Variants in SIPA1 observed in about 807,000 individuals in gnomAD.
SIPA1 encodes signal-induced proliferation-associated 1.
A neutral mutation model predicts 88.1 loss-of-function variants in SIPA1; 51 were observed. The observed-to-expected ratio is 0.58, with a 90% confidence interval of 0.46 to 0.73. The LOEUF is 0.73. SIPA1 is among the 30% of genes least tolerant of loss of function. SIPA1 has a pLI of 0.00. For missense variants in SIPA1, 1,348 were observed against 1,467.6 expected, an observed-to-expected ratio of 0.92 and a Z score of 1.33; for synonymous variants, 681 against 664.8, an observed-to-expected ratio of 1.02 and a Z score of -0.37.
intron 9 of SIPA1, among the ~76,000 whole-genome samples, chr11:65,648,662 G>A (rs993234447): frequency 6.6e-6 from 1 of 151,818 alleles, no homozygotes; most frequent in South Asian, 2.1e-4. Context: ...GCTGAAACCC[G>A]TCTCTAGTAA....
At chr11:65,650,251 C>T in intron 14 of SIPA1, 59 bp downstream of exon 14, 2 of 1,583,504 alleles carry the variant, frequency 1.3e-6, no homozygotes, top group African/African-American at 1.3e-5. Flanking sequence ...CCCTTCGTGC[C>T]TGTCTGCTGG....
chr11:65,650,511 C>G, intron 15 of SIPA1, 32 bp downstream of exon 15: 3 of 1,613,324 alleles, frequency 1.9e-6, no homozygotes, highest in Non-Finnish European at 2.5e-6. Flanking sequence ...GGGGGAGTCA[C>G]AGGGCTGCCC....
At chr11:65,647,802 G>C in intron 9 of SIPA1, 144 bp downstream of exon 9, 2 of 507,558 alleles carry the variant, frequency 3.9e-6, no homozygotes, top group Non-Finnish European at 5.9e-6. Context: ...CTCTTAGCCC[G>C]TCTGAGCCTG....
At chr11:65,648,277 C>A in intron 9 of SIPA1, among the ~76,000 whole-genome samples, 1 of 152,054 alleles carries the variant, frequency 6.6e-6, no homozygotes, top group Non-Finnish European at 1.5e-5. Flanking sequence ...TATTGGCACC[C>A]GCCCACCCAA....
rs1264311898 is a variant in SIPA1 at position 65,649,940 on chromosome 11, G to C, written c.2747-10G>C. On this transcript the variant is annotated splice_polypyrimidine_tract_variant and intron_variant, in intron 12 of 15. Transcript: ENST00000534313. ...GCTTCCCTAGCTCAGCCTGCTCCTT[G>C]TGCCCACAGTCATGTCGGAGGCGGG... 1 of 1,613,782 alleles carries C rather than the reference G, an allele frequency of 6.2e-7. No individual in the cohort carries two copies. The highest frequency in any genetic ancestry group is 1.3e-5 in the African/African-American group (1 of 74,906).
Position 65,641,341 on chromosome 11 carries a change from G to A in SIPA1, c.420G>A (p.Glu140=). The A allele has an allele frequency of 6.2e-7, 1 of 1,613,478 alleles. No homozygotes were observed. The highest frequency in any genetic ancestry group is 8.5e-7 in the Non-Finnish European group (1 of 1,180,040). The part of the protein sequence containing the change: ...PRSQGMGSHS[E]ASSGTLASAE... Reference sequence around the variant, plus strand: ...CTCAGGGGATGGGGAGCCACTCAGAGGCCAGCTCTGGGACCCTGGCTTCAG... The same window carrying A: ...CTCAGGGGATGGGGAGCCACTCAGAAGCCAGCTCTGGGACCCTGGCTTCAG... Residue 140 remains glutamate (E), a synonymous_variant, in exon 2 of 16, where the codon GAG becomes GAA. Transcript: ENST00000534313.
Position 65,647,131 on chromosome 11 carries a change from C to T in SIPA1, c.2031+66C>T, listed in dbSNP as rs1448933186. The T allele has an allele frequency of 3.0e-5, 42 of 1,423,434 alleles. No individual in the cohort carries two copies. The Admixed American group carries it at 1.1e-3, about 37-fold the overall frequency. The allele number at this position is 1,423,434 out of a possible 1,614,324, so 88.2% of individuals were successfully genotyped here. On this transcript the variant is annotated intron_variant, in intron 8 of 15. Transcript: ENST00000534313. ...GGCGGAGCCTGCTTTGGACCCCTCC[C>T]TCCCGCCGCCTTTGTCCCCTACTCC...
Position 65,650,715 on chromosome 11 carries a change from A to C in SIPA1, c.3129A>C (p.Ter1043CysextTer9). 1 of 1,571,044 alleles carries C rather than the reference A, an allele frequency of 6.4e-7. No individual in the cohort carries two copies. Among genetic ancestry groups the C allele is most frequent in the Non-Finnish European group, 8.6e-7 (1 of 1,158,356 alleles). Residue 1043 changes from the stop codon to cysteine (C), a stop_lost, in exon 16 of 16, where the codon TGA becomes TGC. Coordinates refer to ENST00000534313, the MANE Select transcript of SIPA1 (RefSeq NM_006747.4). ...QLGSPTADLA* is the reference protein window; with the variant it reads ...QLGSPTADLAC ...GCTCACCCACCGCCGACCTGGCCTG[A>C]GCCGTCTGGAACCACCTGGGCCCCT...
At position 65,642,561 on chromosome 11, in the gene SIPA1, G is replaced by A; in HGVS notation, c.906G>A (p.Gln302=). Reference sequence around the variant, plus strand: ...AACTTCTGGAGCACGTGGCGCCGCAGCTGAGCCCCAGCTGCCTGCGCCTGG... The same window carrying A: ...AACTTCTGGAGCACGTGGCGCCGCAACTGAGCCCCAGCTGCCTGCGCCTGG... ...PRKLLEHVAP[Q]LSPSCLRLGS... is the part of the protein sequence containing the mutation. The change falls in exon 4 of 16, where the codon CAG becomes CAA. Residue 302 remains glutamine, a synonymous_variant. Coordinates refer to ENST00000534313, the MANE Select transcript of SIPA1 (RefSeq NM_006747.4). This position sits in a 1 kb window ranked among gnomAD's most constrained non-coding sequence, Gnocchi z 6.5. 6.2e-7 allele frequency: 1 copy of A among 1,602,146 alleles called. No homozygotes were observed. The highest frequency in any genetic ancestry group is 8.5e-7 in the Non-Finnish European group (1 of 1,178,270).
chr11:65,641,874 A>G (rs1413331685), intron 2 of SIPA1, among the ~76,000 whole-genome samples: 1 of 152,154 alleles, frequency 6.6e-6, no homozygotes, highest in Non-Finnish European at 1.5e-5. Context: ...CTGGGGAGAG[A>G]TTCCCTATGG....
At chr11:65,648,088 G>T (rs1033779520) in intron 9 of SIPA1, among the ~76,000 whole-genome samples, 39 of 152,026 alleles carry the variant, frequency 2.6e-4, no homozygotes, top group African/African-American at 8.7e-4. Context: ...GGCCAGGCTG[G>T]TCTCGAACTC....
rs750587947 is a variant in SIPA1 at position 65,646,387 on chromosome 11, C to T, written c.1421+9C>T. 6.8e-6 allele frequency: 11 copies of T among 1,607,746 alleles called. No individual in the cohort carries two copies. The highest frequency in any genetic ancestry group is 3.3e-5 in the South Asian group (3 of 91,064). ...CCACACACCACCTACAGGTGGGCACCGGAGTGGTCCCAGGTCTCCCGTGGG... is the reference window on the plus strand; with the variant it reads ...CCACACACCACCTACAGGTGGGCACTGGAGTGGTCCCAGGTCTCCCGTGGG... On this transcript the variant is annotated intron_variant, in intron 7 of 15. Transcript: ENST00000534313. The surrounding 1 kb of genome is among the most constrained non-coding windows in gnomAD (Gnocchi z 7.5).
At position 65,645,924 on chromosome 11, in the gene SIPA1, G is replaced by T. The variant is rs1055582141; in HGVS notation, c.1230G>T (p.Thr410=). Residue 410 remains threonine, a synonymous_variant, in exon 6 of 16, where the codon ACG becomes ACT. Transcript: ENST00000534313. The part of the protein sequence containing the change: ...QDHEIMFHVS[T]MLPYTPNNQQ... Reference sequence around the variant, plus strand: ...ACGAGATCATGTTCCACGTGTCCACGATGCTGCCTTACACCCCTAATAACC... The same window carrying T: ...ACGAGATCATGTTCCACGTGTCCACTATGCTGCCTTACACCCCTAATAACC... 1.2e-6 allele frequency: 2 copies of T among 1,613,386 alleles called. No homozygotes were observed.
intron 4 of SIPA1, among the ~76,000 whole-genome samples, 161 bp from the exon 5 acceptor site, chr11:65,644,794 C>G (rs1049828783): frequency 2.0e-5 from 3 of 152,096 alleles, no homozygotes; most frequent in African/African-American, 7.2e-5. Flanking sequence ...CTCCCAAGCA[C>G]GAGGAGCACA....
Position 65,642,504 on chromosome 11 carries a change from G to C in SIPA1, c.849G>C (p.Pro283=). 6.2e-7 allele frequency: 1 copy of C among 1,610,408 alleles called. No homozygotes were observed. The highest frequency in any genetic ancestry group is 8.5e-7 in the Non-Finnish European group (1 of 1,179,474). ...GCACCATCTCGGAGGACGCGCTGCC[G>C]CCGGGGCCCCCACGGGGTCTGTCCC... ...LRGTISEDAL[P]PGPPRGLSPR... is the part of the protein sequence containing the mutation. Residue 283 remains proline, a synonymous_variant, in exon 4 of 16, where the codon CCG becomes CCC. Coordinates refer to ENST00000534313, the MANE Select transcript of SIPA1 (RefSeq NM_006747.4). This position sits in a 1 kb window ranked among gnomAD's most constrained non-coding sequence, Gnocchi z 6.5.
Position 65,644,087 on chromosome 11 carries a change from T to A in SIPA1, c.985-868T>A, listed in dbSNP as rs1856060071. 2.0e-5 allele frequency among the ~76,000 whole-genome samples: 3 copies of A among 151,954 alleles called. No individual in the cohort carries two copies. The South Asian group carries it at 6.2e-4, about 32-fold the overall frequency. On this transcript the variant is annotated intron_variant, in intron 4 of 15. Coordinates refer to ENST00000534313, the MANE Select transcript of SIPA1 (RefSeq NM_006747.4). ...TGAAGTGCTAGGATTTCCCAGCTTC[T>A]TGGCCCCCAGGAGTGGTGGTTTAAG...
intron 1 of SIPA1, among the ~76,000 whole-genome samples, chr11:65,638,951 A>T (rs1484722737): frequency 1.3e-5 from 2 of 152,120 alleles, no homozygotes; most frequent in Non-Finnish European, 2.9e-5. Flanking sequence ...CTACTCCTTC[A>T]CACACTATAG....
chr11:65,650,695 C>G lies in SIPA1; in HGVS notation c.3109C>G (p.Pro1037Ala). 6.3e-7 allele frequency: 1 copy of G among 1,580,740 alleles called. No homozygotes were observed. Among genetic ancestry groups the G allele is most frequent in the Non-Finnish European group, 8.6e-7 (1 of 1,163,450 alleles). Residue 1037 changes from proline to alanine, a missense_variant, in exon 16 of 16, where the codon CCC (proline) becomes GCC (alanine). Transcript: ENST00000534313. ...CCTGGCCTCCAAGCAGCTGGGCTCA[C>G]CCACCGCCGACCTGGCCTGAGCCGT... The part of the protein sequence containing the change: ...LLLASKQLGS[P>A]TADLA
chr11:65,650,525 G>C (rs1590927410), intron 15 of SIPA1, 44 bp from the exon 16 acceptor site: 1 of 1,612,800 alleles, frequency 6.2e-7, no homozygotes, highest in Non-Finnish European at 8.5e-7. Context: ...GCTGCCCCAG[G>C]AAAGGGGCTG....
Sources: allele counts gnomAD v4.1 joint callset (sites outside exome capture counted in the v4.1 genomes callset), GRCh38; gene constraint gnomAD v4.1.1; non-coding constraint Gnocchi (gnomAD v3.1); transcripts MANE v1.5; gene names NCBI Gene and HGNC (gene_info 2026-07-23, HGNC 2026-07-21).